Variants in ENTREP2 observed in about 807,000 individuals in gnomAD.
ENTREP2 encodes endosomal transmembrane epsin interactor 2, also known as protein ENTREP2.
the ENTREP2 span, among the ~76,000 whole-genome samples, chr15:29,205,969 C>T: frequency 1.3e-5 from 2 of 152,196 alleles, no homozygotes; most frequent in South Asian, 4.1e-4. Flanking sequence ...CAGTCCTTGT[C>T]CTGCTTTCTG....
chr15:29,302,784 T>A, the ENTREP2 span, among the ~76,000 whole-genome samples: 3 of 152,250 alleles, frequency 2.0e-5, no homozygotes, highest in Admixed American at 2.0e-4. Context: ...TGGAACGCTC[T>A]GTCTTGAAAT....
the ENTREP2 span, among the ~76,000 whole-genome samples, chr15:29,262,049 A>C: frequency 1.3e-5 from 2 of 151,526 alleles, no homozygotes; most frequent in Non-Finnish European, 2.9e-5. Context: ...ATACTGATAA[A>C]ATAAATAAAC....
chr15:29,667,316 T>G, the ENTREP2 span, among the ~76,000 whole-genome samples: 1 of 150,682 alleles, frequency 6.6e-6, no homozygotes, highest in South Asian at 2.1e-4. Flanking sequence ...GCCTCCCGAG[T>G]AGCTGGGACT....
the ENTREP2 span, chr15:29,252,292 A>T: frequency 1.1e-6 from 1 of 870,580 alleles, no homozygotes; most frequent in Non-Finnish European, 1.8e-6. Flanking sequence ...AATACAGTAA[A>T]ATTATTTTTA....
the ENTREP2 span, among the ~76,000 whole-genome samples, chr15:29,213,410 T>C: frequency 6.6e-6 from 1 of 152,236 alleles, no homozygotes; most frequent in Non-Finnish European, 1.5e-5. Context: ...ATATTGATTC[T>C]TCTTATCCAT....
chr15:29,423,715 G>C, the ENTREP2 span, among the ~76,000 whole-genome samples: 20 of 152,160 alleles, frequency 1.3e-4, no homozygotes, highest in African/African-American at 4.3e-4. Context: ...GGAGAATGGC[G>C]TGAACCTGGG....
the ENTREP2 span, among the ~76,000 whole-genome samples, chr15:29,167,528 A>G: frequency 1.3e-5 from 2 of 152,266 alleles, no homozygotes; most frequent in East Asian, 3.8e-4. Flanking sequence ...ACAATTCTCA[A>G]AAGAAGATAT....
At chr15:29,428,695 A>G in the ENTREP2 span, among the ~76,000 whole-genome samples, 1 of 152,218 alleles carries the variant, frequency 6.6e-6, no homozygotes, top group Admixed American at 6.5e-5. Flanking sequence ...TAGCGCCAGC[A>G]CTGACAGACT....
the ENTREP2 span, among the ~76,000 whole-genome samples, chr15:29,657,475 T>TGGGGGGTCGGGGGG: frequency 2.6e-4 from 1 of 3,808 alleles, no homozygotes; most frequent in African/African-American, 1.3e-3. Flanking sequence ...CGCTGTCGGC[T>TGGGGGGTCGGGGGG]GGGGGGGCGG....
the ENTREP2 span, among the ~76,000 whole-genome samples, chr15:29,119,759 C>A: frequency 1.3e-5 from 2 of 150,454 alleles, no homozygotes; most frequent in African/African-American, 5.0e-5. Context: ...ATGGCCACAT[C>A]CTTGGGGAAT....
the ENTREP2 span, among the ~76,000 whole-genome samples, chr15:29,315,857 G>A: frequency 9.2e-5 from 14 of 152,264 alleles, no homozygotes; most frequent in Admixed American, 4.6e-4. Flanking sequence ...GACCCCACGC[G>A]ATATCACTAA....
chr15:29,439,332 CA>C, the ENTREP2 span, among the ~76,000 whole-genome samples: 1 of 103,702 alleles, frequency 9.6e-6, no homozygotes, highest in Non-Finnish European at 2.0e-5. Context: ...CACACACACA[CA>C]AACAGTAGAG....
chr15:29,596,780 T>C, the ENTREP2 span, among the ~76,000 whole-genome samples: 1 of 152,154 alleles, frequency 6.6e-6, no homozygotes, highest in South Asian at 2.1e-4. Context: ...CCATTCTCCC[T>C]GCCTCAGCTT....
chr15:29,443,478 C>A, the ENTREP2 span, among the ~76,000 whole-genome samples: 4 of 152,112 alleles, frequency 2.6e-5, no homozygotes, highest in Non-Finnish European at 5.9e-5. Context: ...TACACTAGCC[C>A]ACCAGGAAAC....
the ENTREP2 span, among the ~76,000 whole-genome samples, chr15:29,206,336 C>T: frequency 5.3e-5 from 8 of 152,156 alleles, no homozygotes; most frequent in Admixed American, 1.3e-4. Context: ...AAGGACCCCA[C>T]CTCCTAATAC....
At chr15:29,643,185 A>G in the ENTREP2 span, among the ~76,000 whole-genome samples, 6 of 152,334 alleles carry the variant, frequency 3.9e-5, no homozygotes, top group South Asian at 1.2e-3. Flanking sequence ...CACTAAAACT[A>G]AAATTTCTGT....
At chr15:29,657,215 C>G in the ENTREP2 span, among the ~76,000 whole-genome samples, 1 of 146,568 alleles carries the variant, frequency 6.8e-6, no homozygotes, top group African/African-American at 2.5e-5. Flanking sequence ...GCCGCGCCAG[C>G]TTTTTTTTTT....
At chr15:29,282,131 A>G in the ENTREP2 span, among the ~76,000 whole-genome samples, 7 of 152,150 alleles carry the variant, frequency 4.6e-5, no homozygotes. Flanking sequence ...TCCCACCCAA[A>G]TCTCATCTTA....
chr15:29,661,138 G>A, the ENTREP2 span, among the ~76,000 whole-genome samples: 1 of 152,180 alleles, frequency 6.6e-6, no homozygotes, highest in Admixed American at 6.6e-5. Flanking sequence ...ACTGAAAAAG[G>A]AAATTAAAGG....
Sources: gnomAD v4.1 joint callset for allele counts (sites outside exome capture counted in the v4.1 genomes callset) on GRCh38, gnomAD v4.1.1 for gene constraint, MANE v1.5 for transcripts, NCBI Gene and HGNC (gene_info 2026-07-23, HGNC 2026-07-21) for gene names.